Variants in PCDH9 observed in about 807,000 individuals in gnomAD.
The protein encoded by PCDH9 is protocadherin-9.
Under a neutral mutation model 70.6 loss-of-function variants are expected in PCDH9, and 24 were observed. The observed-to-expected ratio is 0.34, with a 90% CI of 0.25 to 0.48. The LOEUF is 0.48. Among genes scored for constraint, PCDH9 ranks in the 20% least tolerant of loss-of-function variants. The probability of loss-of-function intolerance (pLI) is 0.99; values close to 1 mark genes in which losing one functional copy is unlikely to be tolerated. For missense variants in PCDH9, 1,281 were observed against 1,503.6 expected, an observed-to-expected ratio of 0.85 and a Z score of 2.45; for synonymous variants, 562 against 558.5, an observed-to-expected ratio of 1.01 and a Z score of -0.09.
At chr13:66,692,989 A>G (rs1466106976) in intron 3 of PCDH9, among the ~76,000 whole-genome samples, 1 of 152,102 alleles carries the variant, frequency 6.6e-6, no homozygotes. Flanking sequence ...GGTAACAACA[A>G]TATCTATTAT....
At chr13:66,320,329 A>G (rs1027743804) in intron 4 of PCDH9, among the ~76,000 whole-genome samples, 3 of 152,050 alleles carry the variant, frequency 2.0e-5, no homozygotes, top group African/African-American at 7.3e-5. Flanking sequence ...GCCTCAGTCT[A>G]CCACATTAAT....
intron 4 of PCDH9, among the ~76,000 whole-genome samples, chr13:66,385,230 T>C (rs1347350756): frequency 6.6e-6 from 1 of 152,212 alleles, no homozygotes; most frequent in Non-Finnish European, 1.5e-5. Flanking sequence ...AATTGTTATG[T>C]ACTTACCTTG....
chr13:66,430,250 A>G (rs1957747756), intron 4 of PCDH9, among the ~76,000 whole-genome samples: 1 of 152,086 alleles, frequency 6.6e-6, no homozygotes, highest in South Asian at 2.1e-4. Flanking sequence ...CTCATACATT[A>G]TCCAAAAATG....
At chr13:66,790,159 G>A (rs1594064671) in intron 3 of PCDH9, among the ~76,000 whole-genome samples, 1 of 151,964 alleles carries the variant, frequency 6.6e-6, no homozygotes, top group Admixed American at 6.6e-5. Flanking sequence ...AATGTAAAAC[G>A]GTATTTCATT....
At chr13:67,011,234 T>G (rs1282814363) in intron 2 of PCDH9, among the ~76,000 whole-genome samples, 2 of 151,898 alleles carry the variant, frequency 1.3e-5, no homozygotes, top group East Asian at 3.9e-4. Context: ...CACACTACAT[T>G]CAACGTAAAC....
intron 2 of PCDH9, among the ~76,000 whole-genome samples, chr13:66,953,549 T>G (rs1215163827): frequency 6.6e-6 from 1 of 152,236 alleles, no homozygotes; most frequent in Non-Finnish European, 1.5e-5. Context: ...TTACAATATA[T>G]TATTCAAGTG....
intron 4 of PCDH9, among the ~76,000 whole-genome samples, chr13:66,532,982 T>A (rs1471383854): frequency 1.3e-5 from 2 of 152,196 alleles, no homozygotes; most frequent in Non-Finnish European, 2.9e-5. Flanking sequence ...AAACTATCTC[T>A]GAAGAAGTTA....
At chr13:66,815,297 A>C (rs1164523749) in intron 3 of PCDH9, among the ~76,000 whole-genome samples, 1 of 152,184 alleles carries the variant, frequency 6.6e-6, no homozygotes, top group Non-Finnish European at 1.5e-5. Flanking sequence ...GTTTGTGAAG[A>C]AAAGAGATTG....
intron 4 of PCDH9, among the ~76,000 whole-genome samples, chr13:66,340,805 A>G (rs1257522647): frequency 6.6e-6 from 1 of 152,222 alleles, no homozygotes; most frequent in Non-Finnish European, 1.5e-5. Context: ...GTCATAGGTA[A>G]ACAGACATTT....
At chr13:66,395,188 T>C (rs1277367884) in intron 4 of PCDH9, among the ~76,000 whole-genome samples, 1 of 152,206 alleles carries the variant, frequency 6.6e-6, no homozygotes, top group Admixed American at 6.5e-5. Context: ...TGGAAAAAAG[T>C]AGAGGTACTC....
chr13:66,779,895 G>GTGTT (rs1555268258), intron 3 of PCDH9, among the ~76,000 whole-genome samples: 2,711 of 147,264 alleles, frequency 0.018, 105 homozygotes, highest in African/African-American at 0.065. Flanking sequence ...GTGTGTGTGT[G>GTGTT]TGTGTGTCCG....
rs34776193 is a variant in PCDH9 at position 67,004,552 on chromosome 13, C to CAA, written c.3037-100949_3037-100948dup. Among the ~76,000 whole-genome samples, 511 of 123,912 alleles carry CAA rather than the reference C, an allele frequency of 4.1e-3. 2 individuals are homozygous for CAA. Among genetic ancestry groups the CAA allele is most frequent in the African/African-American group, 0.012 (382 of 32,192 alleles). The allele number at this position is 123,912 out of a possible 152,430, so 81.3% of individuals were successfully genotyped here. A position where few individuals can be genotyped will look rare whatever the true frequency, so the allele number is the denominator to read the frequency against. On this transcript the variant is annotated intron_variant, in intron 2 of 4. Transcript: ENST00000377865. ...AGCCTGGGTGACAGAGACTCCGTCT[C>CAA]AAAAAAAAAAAAAAAGAAAGAAAGA...
intron 2 of PCDH9, among the ~76,000 whole-genome samples, chr13:67,108,951 A>G (rs1473963134): frequency 6.6e-6 from 1 of 152,212 alleles, no homozygotes; most frequent in Non-Finnish European, 1.5e-5. Flanking sequence ...GCTCAATACC[A>G]TGATTACCAT....
chr13:66,531,786 A>T (rs897241362), intron 4 of PCDH9, among the ~76,000 whole-genome samples: 3 of 152,162 alleles, frequency 2.0e-5, no homozygotes, highest in Admixed American at 1.3e-4. Context: ...ATTAAAATAA[A>T]TATGTTCATT....
At chr13:66,700,917 CATATAAATATATAT>C (rs1192568254) in intron 3 of PCDH9, among the ~76,000 whole-genome samples, 1,292 of 51,744 alleles carry the variant, frequency 0.025, 76 homozygotes, top group African/African-American at 0.033. Flanking sequence ...TATGTGTGTA[CATATAAATATATAT>C]ATATATATAT....
At chr13:66,802,617 T>C (rs2080345001) in intron 3 of PCDH9, among the ~76,000 whole-genome samples, 1 of 152,192 alleles carries the variant, frequency 6.6e-6, no homozygotes, top group South Asian at 2.1e-4. Context: ...TGCTGTAAAG[T>C]TTAAAAGTTT....
chr13:66,556,061 G>A (rs9540817), intron 4 of PCDH9, among the ~76,000 whole-genome samples: 38,925 of 150,658 alleles, frequency 0.26, 5,282 homozygotes, highest in South Asian at 0.34. Context: ...ATTTTTTGCT[G>A]ATGATAATAT....
intron 3 of PCDH9, among the ~76,000 whole-genome samples, chr13:66,748,437 A>G (rs150334775): frequency 1.3e-5 from 2 of 152,324 alleles, no homozygotes; most frequent in East Asian, 3.9e-4. Flanking sequence ...CCTACTCTGA[A>G]ACACTCAGAA....
chr13:67,028,377 A>G (rs998176243), intron 2 of PCDH9, among the ~76,000 whole-genome samples: 5 of 126,750 alleles, frequency 3.9e-5, no homozygotes, highest in African/African-American at 6.0e-5. Flanking sequence ...ATGAGAACAC[A>G]TGGACACAGG....
Sources: allele counts gnomAD v4.1 joint callset (sites outside exome capture counted in the v4.1 genomes callset), GRCh38; gene constraint gnomAD v4.1.1; transcripts MANE v1.5; gene names NCBI Gene and HGNC (gene_info 2026-07-23, HGNC 2026-07-21).